PHACTR4: variants seen among roughly 807,000 people sequenced by gnomAD.
PHACTR4 encodes phosphatase and actin regulator 4.
A neutral mutation model predicts 72.7 loss-of-function variants in PHACTR4; 51 were observed. That is an observed-to-expected ratio of 0.70 (90% CI 0.56 to 0.89). The LOEUF is 0.89. Ranked by LOEUF, PHACTR4 falls within the 40% of genes least tolerant of loss-of-function variation. The pLI is 0.00. For missense variants in PHACTR4, 731 were observed against 861.8 expected (o/e 0.85, Z 1.90); for synonymous variants, 255 against 302.5 (o/e 0.84, Z 1.63).
chr1:28,441,182 A>T (rs1183226451), intron 2 of PHACTR4, among the ~76,000 whole-genome samples: 2 of 152,086 alleles, frequency 1.3e-5, no homozygotes, highest in Admixed American at 6.5e-5. Flanking sequence ...TATTTGTAAA[A>T]TTTTTTTAAA....
At chr1:28,433,413 A>G (rs1656409191) in intron 2 of PHACTR4, among the ~76,000 whole-genome samples, 1 of 151,602 alleles carries the variant, frequency 6.6e-6, no homozygotes. Context: ...GTGTCTTGGC[A>G]CATAGGCAAC....
At chr1:28,475,711 G>T (rs1659873135) in intron 7 of PHACTR4, among the ~76,000 whole-genome samples, 1 of 146,324 alleles carries the variant, frequency 6.8e-6, no homozygotes, top group Non-Finnish European at 1.5e-5. Flanking sequence ...TGTATTTATG[G>T]TTATTTCAGT....
Position 28,431,962 on chromosome 1 carries a change from G to A in PHACTR4, c.16+24499G>A, listed in dbSNP as rs142887976. Among the ~76,000 whole-genome samples, 1,369 of 152,296 alleles carry A rather than the reference G, an allele frequency of 9.0e-3. 19 individuals carry two copies. The highest frequency in any genetic ancestry group is 0.031 in the African/African-American group (1,302 of 41,562). On this transcript the variant is annotated intron_variant, in intron 2 of 13. Coordinates refer to ENST00000373839, the MANE Select transcript of PHACTR4 (RefSeq NM_001048183.3). ...ACAGTGGCTCACGCCTGTAATCCCAGCACTTTGGGAGGCCGAAGTGGGCAG... is the reference window on the plus strand; with the variant it reads ...ACAGTGGCTCACGCCTGTAATCCCAACACTTTGGGAGGCCGAAGTGGGCAG...
intron 2 of PHACTR4, among the ~76,000 whole-genome samples, chr1:28,436,259 T>A (rs944919767): frequency 3.1e-4 from 47 of 152,250 alleles, no homozygotes; most frequent in African/African-American, 4.3e-4. Flanking sequence ...TGTCTTTTTT[T>A]AAAAAATTAT....
At chr1:28,493,996 T>C (rs953539922) in intron 13 of PHACTR4, among the ~76,000 whole-genome samples, 2 of 152,128 alleles carry the variant, frequency 1.3e-5, no homozygotes, top group African/African-American at 4.8e-5. Context: ...CCCACCCATA[T>C]CCAAAGAATC....
chr1:28,457,098 C>T (rs755942600), intron 2 of PHACTR4, among the ~76,000 whole-genome samples: 3 of 152,094 alleles, frequency 2.0e-5, no homozygotes, highest in Non-Finnish European at 4.4e-5. Context: ...TTGCCTAAGT[C>T]TTCTGGGCAT....
At position 28,465,706 on chromosome 1, in the gene PHACTR4, C is replaced by A; in HGVS notation, c.293C>A (p.Pro98Gln). 1 of 1,613,646 alleles carries A rather than the reference C, an allele frequency of 6.2e-7. No individual in the cohort carries two copies. Among genetic ancestry groups the A allele is most frequent in the South Asian group, 1.1e-5 (1 of 91,014 alleles). Residue 98 changes from proline (P) to glutamine (Q), a missense_variant, in exon 5 of 14, where the codon CCA becomes CAA. Pro to Gln is a moderately conservative substitution (Grantham distance 76). Around this residue, in one of 2 missense-constraint regions of PHACTR4, gnomAD observed 621 missense variants for 676.6 expected, o/e 0.92. Transcript: ENST00000373839. ...PEQGGEDPGK[P>Q]SDAMLKNGHT... ...GCAGGTGGTGAGGATCCAGGAAAGC[C>A]AAGCGATGCCATGTTAAAGAATGGC... is the stretch of plus-strand genomic sequence containing the variant.
At chr1:28,479,902 C>G (rs183169161) in intron 8 of PHACTR4, among the ~76,000 whole-genome samples, 62 of 152,158 alleles carry the variant, frequency 4.1e-4, no homozygotes, top group African/African-American at 1.3e-3. Context: ...CTCAAACAAA[C>G]AAACAAACAA....
At chr1:28,400,864 G>A (rs538479055) in intron 1 of PHACTR4, among the ~76,000 whole-genome samples, 8 of 152,334 alleles carry the variant, frequency 5.3e-5, no homozygotes, top group African/African-American at 1.9e-4. Context: ...ACAGGCATGA[G>A]CCACCACGCC....
intron 2 of PHACTR4, among the ~76,000 whole-genome samples, chr1:28,424,909 C>T (rs1361010474): frequency 6.6e-6 from 1 of 152,088 alleles, no homozygotes; most frequent in Non-Finnish European, 1.5e-5. Flanking sequence ...TTCTCCCTGC[C>T]TCAGCCTCCT....
intron 1 of PHACTR4, among the ~76,000 whole-genome samples, chr1:28,381,033 G>T (rs536578287): frequency 6.7e-6 from 1 of 149,936 alleles, no homozygotes. Context: ...TTCCGAGACA[G>T]AGTCTTGCTC....
chr1:28,381,187 G>A (rs537536576), intron 1 of PHACTR4, among the ~76,000 whole-genome samples: 160 of 145,960 alleles, frequency 1.1e-3, no homozygotes, highest in African/African-American at 4.0e-3. Context: ...TTGTATTTTT[G>A]TAGGGACAGG....
chr1:28,390,016 A>C (rs1652878976), intron 1 of PHACTR4, among the ~76,000 whole-genome samples: 1 of 152,236 alleles, frequency 6.6e-6, no homozygotes, highest in Non-Finnish European at 1.5e-5. Context: ...ATATATACAC[A>C]ACGAAATACT....
At position 28,391,599 on chromosome 1, in the gene PHACTR4, C is replaced by CTT. The variant is rs751801605; in HGVS notation, c.-38-15789_-38-15788dup. Reference sequence around the variant, plus strand: ...ATAGTGACCTTAGTAAAAATATATTCTTTTTTTTTTTTTTTTTTTTTTTGA... The same window carrying CTT: ...ATAGTGACCTTAGTAAAAATATATTCTTTTTTTTTTTTTTTTTTTTTTTTTGA... On this transcript the variant is annotated intron_variant, in intron 1 of 13. Coordinates refer to ENST00000373839, the MANE Select transcript of PHACTR4 (RefSeq NM_001048183.3). 6.2e-3 allele frequency among the ~76,000 whole-genome samples: 615 copies of CTT among 98,734 alleles called. 2 individuals carry two copies. The highest frequency in any genetic ancestry group is 0.015 in the African/African-American group (352 of 24,210). The allele number at this position is 98,734 out of a possible 152,430, so 64.8% of individuals were successfully genotyped here. A position where few individuals can be genotyped will look rare whatever the true frequency, so the allele number is the denominator to read the frequency against.
At chr1:28,491,494 A>G (rs1405510464) in intron 11 of PHACTR4, among the ~76,000 whole-genome samples, 156 bp from the exon 12 acceptor site, 1 of 151,932 alleles carries the variant, frequency 6.6e-6, no homozygotes, top group African/African-American at 2.4e-5. Context: ...CCTGATAACC[A>G]TAATCACTGG....
intron 2 of PHACTR4, among the ~76,000 whole-genome samples, chr1:28,430,260 G>A (rs553109296): frequency 2.0e-5 from 3 of 152,232 alleles, no homozygotes; most frequent in East Asian, 3.9e-4. Flanking sequence ...TGCTGACCTC[G>A]TGATCTGTCC....
At chr1:28,489,650 C>T in intron 10 of PHACTR4, 2 of 388,104 alleles carry the variant, frequency 5.2e-6, no homozygotes, top group East Asian at 6.8e-5. Flanking sequence ...TGGTTTAATC[C>T]CTTAAGACTT....
chr1:28,478,478 C>G (rs531835040), intron 8 of PHACTR4, among the ~76,000 whole-genome samples: 1 of 152,208 alleles, frequency 6.6e-6, no homozygotes, highest in South Asian at 2.1e-4. Flanking sequence ...TGTCACCAGG[C>G]AGGAGTGCAG....
intron 12 of PHACTR4, among the ~76,000 whole-genome samples, chr1:28,492,611 A>G (rs544899935): frequency 1.3e-5 from 2 of 151,754 alleles, no homozygotes; most frequent in South Asian, 4.2e-4. Context: ...AAAATACAAA[A>G]TAGCCGGACG....
Sources: gnomAD v4.1 joint callset for allele counts (sites outside exome capture counted in the v4.1 genomes callset) on GRCh38, gnomAD v4.1.1 for gene constraint, gnomAD v4.1.1 regional missense constraint, MANE v1.5 for transcripts, NCBI Gene and HGNC (gene_info 2026-07-23, HGNC 2026-07-21) for gene names.